GRIP1: variants seen among roughly 807,000 people sequenced by gnomAD.
GRIP1 encodes the protein glutamate receptor interacting protein 1, also known as glutamate receptor-interacting protein 1.
In GRIP1, 45 loss-of-function variants were observed where a neutral mutation model predicts 129.9. The ratio of observed to expected loss-of-function variants is 0.35; its 90% CI spans 0.27 to 0.44. The LOEUF (loss-of-function observed/expected upper bound fraction) is 0.44. GRIP1 is among the 20% of genes least tolerant of loss of function. GRIP1 has a pLI of 1.00. For synonymous variants in GRIP1, 530 were observed against 520.8 expected (o/e 1.02, Z -0.24); for missense variants, 1,196 against 1,396.8 (o/e 0.86, Z 2.29).
intron 23 of GRIP1, among the ~76,000 whole-genome samples, chr12:66,359,935 G>A (rs1021812208): frequency 5.9e-5 from 9 of 152,160 alleles, no homozygotes; most frequent in Non-Finnish European, 1.0e-4. Context: ...TAAGGATTCT[G>A]AGGTTTAAGT....
chr12:66,690,722 T>A (rs1455585699), intron 1 of GRIP1, among the ~76,000 whole-genome samples: 2 of 149,048 alleles, frequency 1.3e-5, no homozygotes, highest in Admixed American at 1.3e-4. Context: ...AAAAAAAATT[T>A]TTTCAAAAAA....
intron 1 of GRIP1, among the ~76,000 whole-genome samples, chr12:66,846,505 T>C (rs766814047): frequency 2.0e-5 from 3 of 152,186 alleles, no homozygotes; most frequent in African/African-American, 7.2e-5. Context: ...TGGTCCAGCA[T>C]TGTTTTAATA....
At chr12:66,381,695 C>G (rs764398584) in intron 19 of GRIP1, among the ~76,000 whole-genome samples, 11 of 152,152 alleles carry the variant, frequency 7.2e-5, no homozygotes, top group Admixed American at 1.3e-4. Context: ...GAGACTTAGG[C>G]AAGAGTGCAA....
rs769364145 is a variant in GRIP1 at position 66,444,599 on chromosome 12, C to T, written c.1672G>A (p.Glu558Lys). 2.5e-6 allele frequency: 4 copies of T among 1,612,866 alleles called. No homozygotes were observed. Among genetic ancestry groups the T allele is most frequent in the Admixed American group, 1.7e-5 (1 of 59,966 alleles). ...ATGATTATACCTGCAACATCAAACT[C>T]GATTTCCAGTGTGACCTTGCTCGTG... ...SITSKVTLEI[E>K]FDVAESVIPS... The change falls in exon 13 of 25, where the codon GAG (glutamate) becomes AAG (lysine). Residue 558 changes from glutamate (E) to lysine (K), a missense_variant. Glu to Lys is a moderately conservative substitution (Grantham distance 56). This residue lies in a region of GRIP1 where 508 missense variants were observed against 587.0 expected (regional missense o/e 0.87). Transcript: ENST00000359742.
chr12:66,469,327 T>A (rs961891339), intron 7 of GRIP1, among the ~76,000 whole-genome samples: 1 of 152,212 alleles, frequency 6.6e-6, no homozygotes, highest in African/African-American at 2.4e-5. Context: ...TAAGGCAGGT[T>A]AACCAACTTT....
intron 1 of GRIP1, among the ~76,000 whole-genome samples, chr12:67,027,614 A>C (rs1420993971): frequency 6.6e-6 from 1 of 152,242 alleles, no homozygotes; most frequent in East Asian, 1.9e-4. Context: ...CACAGAGTGC[A>C]TGAAAGCATA....
At chr12:66,441,668 T>G (rs1443499802) in intron 13 of GRIP1, among the ~76,000 whole-genome samples, 1 of 152,230 alleles carries the variant, frequency 6.6e-6, no homozygotes, top group Non-Finnish European at 1.5e-5. Flanking sequence ...CTGAAAATAG[T>G]ACAGTGCTTA....
intron 7 of GRIP1, among the ~76,000 whole-genome samples, chr12:66,507,732 A>C (rs544496446): frequency 6.6e-6 from 1 of 152,136 alleles, no homozygotes; most frequent in African/African-American, 2.4e-5. Flanking sequence ...TGCTGGGCAA[A>C]GATATAATAC....
chr12:66,896,480 G>GGAGAAAAAAAA (rs1555249919), intron 1 of GRIP1, among the ~76,000 whole-genome samples: 9 of 107,840 alleles, frequency 8.3e-5, no homozygotes, highest in African/African-American at 2.7e-4. Flanking sequence ...TGAGGAATTT[G>GGAGAAAAAAAA]AAAAAAAAAA....
intron 1 of GRIP1, among the ~76,000 whole-genome samples, chr12:66,641,699 GA>G (rs1004023466): frequency 5.3e-5 from 8 of 152,166 alleles, no homozygotes; most frequent in Non-Finnish European, 1.2e-4. Context: ...TAATTCAAAA[GA>G]ACCCTGAGAA....
chr12:66,543,313 C>G (rs1050468020), intron 2 of GRIP1, among the ~76,000 whole-genome samples: 33 of 151,948 alleles, frequency 2.2e-4, no homozygotes, highest in African/African-American at 7.0e-4. Context: ...TCTCATGACA[C>G]TGTATACATA....
In GRIP1 at chr12:66,548,656, A is replaced by T. The variant is rs1029282449; in HGVS notation, c.137-6706T>A. 1.8e-4 allele frequency among the ~76,000 whole-genome samples: 27 copies of T among 152,110 alleles called. 1 individual carries two copies. Among genetic ancestry groups the T allele is most frequent in the African/African-American group, 5.8e-4 (24 of 41,422 alleles). ...GAGGAATTTTCCGGAGTTAGAGACC[A>T]ATTAGGATGTGGGAAGCATGGAAGT... On this transcript the variant is annotated intron_variant, in intron 2 of 24. Coordinates refer to ENST00000359742, the MANE Select transcript of GRIP1 (RefSeq NM_001366722.1).
intron 1 of GRIP1, among the ~76,000 whole-genome samples, chr12:67,000,253 T>C (rs1268666386): frequency 6.6e-6 from 1 of 152,140 alleles, no homozygotes; most frequent in Non-Finnish European, 1.5e-5. Context: ...TTCAATCTAA[T>C]AGGGCCATAT....
chr12:66,788,387 T>C (rs1370380026), intron 1 of GRIP1, among the ~76,000 whole-genome samples: 1 of 151,902 alleles, frequency 6.6e-6, no homozygotes, highest in Non-Finnish European at 1.5e-5. Flanking sequence ...ATGAATAAGG[T>C]AGGCAGTATT....
intron 1 of GRIP1, chr12:67,069,032 C>A: frequency 1.0e-6 from 1 of 955,202 alleles, no homozygotes; most frequent in Non-Finnish European, 1.2e-6. Flanking sequence ...CCCTCCCCGG[C>A]CCCGCCGCCT....
At chr12:66,961,562 A>G (rs2041921551) in intron 1 of GRIP1, among the ~76,000 whole-genome samples, 1 of 152,206 alleles carries the variant, frequency 6.6e-6, no homozygotes, top group African/African-American at 2.4e-5. Context: ...TTGATGTTAC[A>G]GACCAAGTTA....
chr12:66,750,131 A>G (rs2037079172), intron 1 of GRIP1, among the ~76,000 whole-genome samples: 2 of 152,192 alleles, frequency 1.3e-5, no homozygotes, highest in African/African-American at 4.8e-5. Flanking sequence ...CAGAGATTAT[A>G]TCAGCTTACT....
At chr12:67,069,327 G>C (rs867828677), upstream of GRIP1, among the ~76,000 whole-genome samples, 15 of 105,138 alleles carry the variant, frequency 1.4e-4, no homozygotes, top group Admixed American at 4.7e-4. Context: ...CGGCGGCGGC[G>C]GCGGCCGGGC....
intron 2 of GRIP1, among the ~76,000 whole-genome samples, chr12:66,548,173 T>G (rs2062006997): frequency 6.6e-6 from 1 of 152,196 alleles, no homozygotes; most frequent in Non-Finnish European, 1.5e-5. Flanking sequence ...ATATATATCT[T>G]TTTTCAAATG....
Sources: gnomAD v4.1 joint callset for allele counts (sites outside exome capture counted in the v4.1 genomes callset) on GRCh38, gnomAD v4.1.1 for gene constraint, gnomAD v4.1.1 regional missense constraint, MANE v1.5 for transcripts, NCBI Gene and HGNC (gene_info 2026-07-23, HGNC 2026-07-21) for gene names.